The following LPAR1 variants were observed in gnomAD, a reference collection of about 807,000 sequenced individuals.
The protein encoded by LPAR1 is lysophosphatidic acid receptor 1.
In LPAR1, 5 loss-of-function variants were observed where a neutral mutation model predicts 23.8. The ratio of observed to expected loss-of-function variants is 0.21; its 90% CI spans 0.11 to 0.44. The LOEUF is 0.44. LPAR1 is among the 20% of genes least tolerant of loss of function. LPAR1 has a pLI of 0.99. For synonymous variants in LPAR1, 160 were observed against 164.7 expected, an observed-to-expected ratio of 0.97 and a Z score of 0.22; for missense variants, 311 against 482.8, an observed-to-expected ratio of 0.64 and a Z score of 3.33.
chr9:110,876,970 C>A (rs541314415), intron 5 of LPAR1, among the ~76,000 whole-genome samples: 1 of 152,252 alleles, frequency 6.6e-6, no homozygotes, highest in South Asian at 2.1e-4. Flanking sequence ...CACTGTGTCC[C>A]ATTACACCTC....
chr9:110,951,757 C>T (rs2095575728), intron 4 of LPAR1, among the ~76,000 whole-genome samples: 1 of 151,830 alleles, frequency 6.6e-6, no homozygotes, highest in South Asian at 2.1e-4. Flanking sequence ...TCAAAAGATT[C>T]TAACCCTAGT....
chr9:111,032,197 A>T (rs920472953), intron 2 of LPAR1, among the ~76,000 whole-genome samples: 2 of 152,204 alleles, frequency 1.3e-5, no homozygotes, highest in Non-Finnish European at 2.9e-5. Flanking sequence ...AAAGAGAGGC[A>T]CTTTGACCTA....
chr9:111,030,994 TG>T (rs750922497), intron 2 of LPAR1, among the ~76,000 whole-genome samples: 2 of 152,182 alleles, frequency 1.3e-5, no homozygotes, highest in Non-Finnish European at 2.9e-5. Context: ...TATTAATTTT[TG>T]TAGGTTTGTA....
intron 5 of LPAR1, among the ~76,000 whole-genome samples, chr9:110,916,585 C>T (rs1378442357): frequency 2.3e-5 from 2 of 87,306 alleles, no homozygotes; most frequent in South Asian, 1.0e-3. Flanking sequence ...ATCACTCAGA[C>T]CCTCCGTAGG....
chr9:111,017,797 G>A (rs1444162242), intron 2 of LPAR1, among the ~76,000 whole-genome samples: 3 of 152,078 alleles, frequency 2.0e-5, no homozygotes, highest in Non-Finnish European at 2.9e-5. Flanking sequence ...CGAGGCAGGC[G>A]GATCACGAGA....
intron 5 of LPAR1, among the ~76,000 whole-genome samples, chr9:110,915,017 G>A (rs1219592666): frequency 1.3e-5 from 2 of 151,966 alleles, no homozygotes; most frequent in African/African-American, 2.4e-5. Flanking sequence ...GCCCCTTTGT[G>A]CAAGCTGCAT....
At chr9:110,913,451 T>G (rs773850138) in intron 5 of LPAR1, among the ~76,000 whole-genome samples, 2 of 152,214 alleles carry the variant, frequency 1.3e-5, no homozygotes, top group Non-Finnish European at 2.9e-5. Context: ...CACAATTTGT[T>G]TCTAAAAGTC....
chr9:110,972,713 G>A (rs546765945), intron 3 of LPAR1, among the ~76,000 whole-genome samples: 26 of 152,238 alleles, frequency 1.7e-4, no homozygotes, highest in Middle Eastern at 3.4e-3. Context: ...TTGGGAAGCC[G>A]AGGGGGAAGG....
chr9:111,020,803 T>C (rs977581993), intron 2 of LPAR1, among the ~76,000 whole-genome samples: 2 of 152,072 alleles, frequency 1.3e-5, no homozygotes, highest in African/African-American at 4.8e-5. Context: ...TTCCATATAA[T>C]AATCAGCTTA....
At chr9:110,911,138 A>G (rs2092378852) in intron 5 of LPAR1, among the ~76,000 whole-genome samples, 1 of 152,160 alleles carries the variant, frequency 6.6e-6, no homozygotes, top group African/African-American at 2.4e-5. Flanking sequence ...AACGTGGCAA[A>G]CTTCATTACT....
intron 2 of LPAR1, among the ~76,000 whole-genome samples, chr9:111,027,088 T>C (rs1237408227): frequency 6.6e-6 from 1 of 152,172 alleles, no homozygotes; most frequent in African/African-American, 2.4e-5. Flanking sequence ...TTTGGAATAG[T>C]TTCAGAAGGA....
At chr9:110,990,585 G>T (rs1271267497) in intron 2 of LPAR1, among the ~76,000 whole-genome samples, 2 of 151,920 alleles carry the variant, frequency 1.3e-5, no homozygotes, top group Non-Finnish European at 2.9e-5. Context: ...AAAATTTGTG[G>T]GATGTCACTA....
At chr9:110,956,249 G>C (rs1029364479) in intron 4 of LPAR1, among the ~76,000 whole-genome samples, 2 of 145,310 alleles carry the variant, frequency 1.4e-5, no homozygotes, top group East Asian at 2.0e-4. Flanking sequence ...GGGTTGGGGG[G>C]CTAGGGGAGG....
chr9:110,998,655 G>A (rs2140065447), intron 2 of LPAR1, among the ~76,000 whole-genome samples: 1 of 152,314 alleles, frequency 6.6e-6, no homozygotes, highest in South Asian at 2.1e-4. Flanking sequence ...TTGATCTGTA[G>A]CATAAAGCTA....
chr9:110,935,427 A>G (rs202112800), intron 5 of LPAR1, among the ~76,000 whole-genome samples: 26 of 148,488 alleles, frequency 1.8e-4, no homozygotes, highest in Non-Finnish European at 3.3e-4. Flanking sequence ...AAAAAAAAAA[A>G]GCCAATTATA....
intron 4 of LPAR1, among the ~76,000 whole-genome samples, chr9:110,957,347 A>AT (rs1421600306): frequency 1.7e-3 from 236 of 137,014 alleles, no homozygotes; most frequent in Middle Eastern, 4.0e-3. Context: ...CTCAAAAAAA[A>AT]AAAAATAATA....
chr9:110,989,376 T>G (rs1211277853), intron 2 of LPAR1, among the ~76,000 whole-genome samples: 1 of 152,224 alleles, frequency 6.6e-6, no homozygotes, highest in Non-Finnish European at 1.5e-5. Flanking sequence ...CTATTGAATT[T>G]TAAATGGCTG....
chr9:110,904,622 A>ACCC (rs1378789262), intron 5 of LPAR1, among the ~76,000 whole-genome samples: 1 of 152,244 alleles, frequency 6.6e-6, no homozygotes, highest in Non-Finnish European at 1.5e-5. Flanking sequence ...ACTAGGAGCT[A>ACCC]CCTCATTCTG....
intron 5 of LPAR1, among the ~76,000 whole-genome samples, chr9:110,940,411 T>C (rs2095019731): frequency 6.6e-6 from 1 of 152,184 alleles, no homozygotes; most frequent in Admixed American, 6.5e-5. Context: ...CTATATAAAT[T>C]GGAGCACAGA....
Sources: allele counts gnomAD v4.1 joint callset (sites outside exome capture counted in the v4.1 genomes callset), GRCh38; gene constraint gnomAD v4.1.1; transcripts MANE v1.5; gene names NCBI Gene and HGNC (gene_info 2026-07-23, HGNC 2026-07-21).